The following CCDC102B variants were observed in gnomAD, a reference collection of about 807,000 sequenced individuals.
CCDC102B encodes coiled-coil domain containing 102B, also known as coiled-coil domain-containing protein 102B.
A neutral mutation model predicts 57.4 loss-of-function variants in CCDC102B; 75 were observed. The ratio of observed to expected loss-of-function variants is 1.31; its 90% CI spans 1.08 to 1.58. The LOEUF is 1.58. CCDC102B is among the 40% of genes most tolerant of loss of function. The pLI, the probability that CCDC102B is intolerant of heterozygous loss-of-function variation, is 0.00. For missense variants in CCDC102B, 636 were observed against 582.6 expected, an observed-to-expected ratio of 1.09 and a Z score of -0.94; for synonymous variants, 206 against 201.9, an observed-to-expected ratio of 1.02 and a Z score of -0.17.
chr18:68,935,116 T>TAGAAG (rs1198983275), intron 6 of CCDC102B, among the ~76,000 whole-genome samples: 5 of 151,748 alleles, frequency 3.3e-5, no homozygotes, highest in Non-Finnish European at 7.4e-5. Context: ...AACTGATACT[T>TAGAAG]AGAAGAGATG....
chr18:69,052,750 C>G lies in CCDC102B; in HGVS notation c.1435-1280C>G, dbSNP rs1208174458. Among the ~76,000 whole-genome samples the G allele has an allele frequency of 2.0e-5, 3 of 151,804 alleles. No individual in the cohort carries two copies. The East Asian group carries it at 5.8e-4, about 30-fold the overall frequency. ...GTTGGCCCTCCATATCCACGGATTC[C>G]ACATTATTGGAATCAACCAATCAAC... On this transcript the variant is annotated intron_variant, in intron 7 of 7. Transcript: ENST00000360242.
At chr18:68,741,658 G>C (rs1421543511) in intron 2 of CCDC102B, among the ~76,000 whole-genome samples, 2 of 141,670 alleles carry the variant, frequency 1.4e-5, no homozygotes, top group African/African-American at 5.3e-5. Flanking sequence ...GTCCAAATGT[G>C]AAGACTGGTC....
chr18:68,856,861 T>C (rs1166756200), intron 4 of CCDC102B, among the ~76,000 whole-genome samples: 1 of 150,590 alleles, frequency 6.6e-6, no homozygotes, highest in Non-Finnish European at 1.5e-5. Context: ...GAACTTTATA[T>C]GTGTTTTTTA....
At position 68,724,168 on chromosome 18, in the gene CCDC102B, A is replaced by G. The variant is rs112781218; in HGVS notation, c.-67+7574A>G. ...TGGCTGGAGTTGAAGCAGCTGAAACAGGCACCAGGTCCTGAGGCTACATAG... is the reference window on the plus strand; with the variant it reads ...TGGCTGGAGTTGAAGCAGCTGAAACGGGCACCAGGTCCTGAGGCTACATAG... On this transcript the variant is annotated intron_variant, in intron 2 of 3. Transcript: ENST00000578970. 7.9e-3 allele frequency among the ~76,000 whole-genome samples: 1,199 copies of G among 152,288 alleles called. 11 individuals are homozygous for G. Among genetic ancestry groups the G allele is most frequent in the Non-Finnish European group, 0.013 (863 of 68,022 alleles).
chr18:68,897,564 C>G (rs1354792178), intron 6 of CCDC102B, 136 bp downstream of exon 6: 7 of 1,573,728 alleles, frequency 4.4e-6, no homozygotes, highest in Middle Eastern at 3.3e-4. Context: ...ACTCCTTGCT[C>G]TTTTGCCCAC....
chr18:68,796,601 A>T (rs972470266), upstream of CCDC102B, among the ~76,000 whole-genome samples: 4 of 152,096 alleles, frequency 2.6e-5, no homozygotes, highest in African/African-American at 9.7e-5. Flanking sequence ...TTATATGTAG[A>T]TTTATCTAAG....
chr18:69,018,305 A>G (rs2051726496), intron 7 of CCDC102B, among the ~76,000 whole-genome samples: 1 of 152,228 alleles, frequency 6.6e-6, no homozygotes, highest in Non-Finnish European at 1.5e-5. Context: ...TTGCAGGATC[A>G]TATGGCAGGT....
intron 4 of CCDC102B, among the ~76,000 whole-genome samples, chr18:68,862,933 T>G (rs2038823843): frequency 6.6e-6 from 1 of 152,020 alleles, no homozygotes; most frequent in Admixed American, 6.6e-5. Flanking sequence ...TCCTCATGTC[T>G]ACCCTACATT....
intron 6 of CCDC102B, among the ~76,000 whole-genome samples, chr18:68,960,616 C>T (rs1340431735): frequency 6.6e-6 from 1 of 152,144 alleles, no homozygotes; most frequent in Non-Finnish European, 1.5e-5. Context: ...CCTAGCCTGA[C>T]TTTCAAGTTT....
At chr18:68,870,394 C>G (rs182661818) in intron 4 of CCDC102B, among the ~76,000 whole-genome samples, 1 of 152,160 alleles carries the variant, frequency 6.6e-6, no homozygotes, top group Non-Finnish European at 1.5e-5. Flanking sequence ...TCCTTCGACC[C>G]TTGATCTCCC....
chr18:68,957,826 T>C (rs1351501053), intron 6 of CCDC102B, among the ~76,000 whole-genome samples: 1 of 152,174 alleles, frequency 6.6e-6, no homozygotes, highest in African/African-American at 2.4e-5. Context: ...GATCTTTCAC[T>C]TCTTTGGTTA....
intron 1 of CCDC102B, among the ~76,000 whole-genome samples, chr18:68,831,323 T>C (rs1380529145): frequency 6.6e-6 from 1 of 152,106 alleles, no homozygotes; most frequent in Non-Finnish European, 1.5e-5. Context: ...TAGCAATAGC[T>C]TGAAGAGGGA....
intron 1 of CCDC102B, among the ~76,000 whole-genome samples, chr18:68,832,611 C>A (rs946354031): frequency 6.6e-6 from 1 of 151,988 alleles, no homozygotes; most frequent in African/African-American, 2.4e-5. Context: ...GGTTTTACTA[C>A]CCCAGTCAGA....
At chr18:68,718,143 C>A (rs1020819988) in intron 2 of CCDC102B, 2 of 152,152 alleles carry the variant, frequency 1.3e-5, no homozygotes, top group African/African-American at 4.8e-5. Context: ...ATTACCAAGT[C>A]TGTATTTTTT....
At chr18:68,734,725 A>G (rs1189466962) in intron 2 of CCDC102B, 1 of 152,126 alleles carries the variant, frequency 6.6e-6, no homozygotes. Context: ...TCTAAATCTT[A>G]TTTTCCAGAA....
At chr18:68,983,885 A>T (rs1277569472) in intron 6 of CCDC102B, among the ~76,000 whole-genome samples, 1 of 152,038 alleles carries the variant, frequency 6.6e-6, no homozygotes, top group Non-Finnish European at 1.5e-5. Context: ...TGTTTAAAGG[A>T]GTGAAAAAAT....
At chr18:68,989,776 G>T (rs758212307) in intron 6 of CCDC102B, among the ~76,000 whole-genome samples, 1 of 152,126 alleles carries the variant, frequency 6.6e-6, no homozygotes, top group South Asian at 2.1e-4. Flanking sequence ...CTACTGTTTC[G>T]GTCGTGGGTG....
At chr18:68,852,784 G>A (rs114246584) in intron 4 of CCDC102B, among the ~76,000 whole-genome samples, 36 of 152,160 alleles carry the variant, frequency 2.4e-4, no homozygotes, top group African/African-American at 8.7e-4. Flanking sequence ...TTGATATTTG[G>A]TTGATTTATT....
chr18:68,828,226 T>C (rs2036984942), intron 1 of CCDC102B, among the ~76,000 whole-genome samples: 1 of 147,520 alleles, frequency 6.8e-6, no homozygotes, highest in African/African-American at 2.5e-5. Context: ...ACAAATAGGA[T>C]CTAATTGTCA....
Sources: gnomAD v4.1 joint callset for allele counts (sites outside exome capture counted in the v4.1 genomes callset) on GRCh38, gnomAD v4.1.1 for gene constraint, MANE v1.5 for transcripts, NCBI Gene and HGNC (gene_info 2026-07-23, HGNC 2026-07-21) for gene names.